The following CPN1 variants were observed in gnomAD, a reference collection of about 807,000 sequenced individuals.
The protein encoded by CPN1 is carboxypeptidase N subunit 1.
A neutral mutation model predicts 46.4 loss-of-function variants in CPN1; 37 were observed. That is an observed-to-expected ratio of 0.80 (90% CI 0.61 to 1.05). The LOEUF is 1.05. Ranked by LOEUF, CPN1 falls within the 50% of genes least tolerant of loss-of-function variation. CPN1 has a pLI of 0.00. For missense variants in CPN1, 563 were observed against 602.6 expected, an observed-to-expected ratio of 0.93 and a Z score of 0.69; for synonymous variants, 224 against 235.4, an observed-to-expected ratio of 0.95 and a Z score of 0.44.
intron 1 of CPN1, among the ~76,000 whole-genome samples, 153 bp from the exon 2 acceptor site, chr10:100,076,260 C>G (rs1395676544): frequency 6.6e-6 from 1 of 152,146 alleles, no homozygotes; most frequent in Non-Finnish European, 1.5e-5. Context: ...CCTTCCTAAC[C>G]AATTACAGTT....
At chr10:100,076,598 A>C (rs2041516681) in intron 1 of CPN1, among the ~76,000 whole-genome samples, 1 of 152,234 alleles carries the variant, frequency 6.6e-6, no homozygotes, top group South Asian at 2.1e-4. Context: ...GTTTTAGCGT[A>C]ACAGCCGCTA....
Position 100,081,405 on chromosome 10 carries a change from G to A in CPN1, c.221C>T (p.Pro74Leu), listed in dbSNP as rs370027071. The change falls in exon 1 of 9, where the codon CCC becomes CTC. Residue 74 changes from proline to leucine, a missense_variant and splice_region_variant. Coordinates refer to ENST00000370418, the MANE Select transcript of CPN1 (RefSeq NM_001308.3). ...CTCAAGAGCTGTTCAGAACTTACAGGGCTCGTGGATTCCAGGGTGGTCGCT... is the reference window on the plus strand; with the variant it reads ...CTCAAGAGCTGTTCAGAACTTACAGAGCTCGTGGATTCCAGGGTGGTCGCT... Reference protein sequence around the residue: ...EFSDHPGIHEPLEPEVKYVGN... With the variant: ...EFSDHPGIHELLEPEVKYVGN... The A allele has an allele frequency of 2.6e-5, 42 of 1,611,844 alleles. No homozygotes were observed. Among genetic ancestry groups the A allele is most frequent in the Non-Finnish European group, 3.3e-5 (39 of 1,179,614 alleles).
Position 100,042,586 on chromosome 10 carries a change from A to G in CPN1, c.1231-13T>C. On this transcript the variant is annotated splice_polypyrimidine_tract_variant and intron_variant, in intron 8 of 8. Transcript: ENST00000370418. The stretch of plus-strand genomic sequence containing the variant: ...GGTGGAAGTTAACCTGGAAGAAAAA[A>G]AGCAGGAGCTACGAGATCCGTTTGG... The G allele has an allele frequency of 6.2e-7, 1 of 1,613,874 alleles. No homozygotes were observed. The highest frequency in any genetic ancestry group is 8.5e-7 in the Non-Finnish European group (1 of 1,179,988).
chr10:100,043,155 G>A (rs145726343), intron 8 of CPN1, among the ~76,000 whole-genome samples: 13 of 150,444 alleles, frequency 8.6e-5, no homozygotes, highest in Admixed American at 7.3e-4. Context: ...TTGCACTTTA[G>A]GAGGCTGAGG....
chr10:100,075,627 T>C (rs2133448173), intron 2 of CPN1, among the ~76,000 whole-genome samples: 1 of 152,342 alleles, frequency 6.6e-6, no homozygotes, highest in African/African-American at 2.4e-5. Flanking sequence ...ATCACAGATA[T>C]TGCCACATTA....
intron 5 of CPN1, among the ~76,000 whole-genome samples, chr10:100,062,256 C>A (rs1189729459): frequency 6.6e-6 from 1 of 152,220 alleles, no homozygotes; most frequent in African/African-American, 2.4e-5. Context: ...GGCTCATAAA[C>A]GGAGGTTCTA....
At chr10:100,051,501 A>T (rs1231572656) in intron 7 of CPN1, among the ~76,000 whole-genome samples, 1 of 152,094 alleles carries the variant, frequency 6.6e-6, no homozygotes, top group Non-Finnish European at 1.5e-5. Flanking sequence ...AATGTTTACA[A>T]TGGGTTTTTT....
chr10:100,042,472 T>C lies in CPN1; in HGVS notation c.1332A>G (p.Arg444=). 1.9e-6 allele frequency: 3 copies of C among 1,613,946 alleles called. No individual in the cohort carries two copies. The highest frequency in any genetic ancestry group is 2.5e-6 in the Non-Finnish European group (3 of 1,180,020). ...GCTGCCTCATCTCCATTTCTTTCTT[T>C]CTGGCTTGGGGCTGCACTTTGGCTC... ...GVRAKVQPQA[R]KKEMEMRQLQ... Residue 444 remains arginine, a synonymous_variant, in exon 9 of 9, where the codon AGA becomes AGG. Coordinates refer to ENST00000370418, the MANE Select transcript of CPN1 (RefSeq NM_001308.3).
In CPN1 at chr10:100,042,350, T is replaced by C. The variant is rs2041279355; in HGVS notation, c.*77A>G. On this transcript the variant is annotated 3_prime_UTR_variant, in exon 9 of 9. Coordinates refer to ENST00000370418, the MANE Select transcript of CPN1 (RefSeq NM_001308.3). ...TTGTATTTAAATATGTCCCAGATAA[T>C]AAAATAGAAAGAATGCTTGATCTGA... The C allele has an allele frequency of 3.2e-6, 5 of 1,567,822 alleles. No individual in the cohort carries two copies. The Admixed American group carries it at 6.7e-5, about 21-fold the overall frequency.
chr10:100,074,495 A>C (rs997767398), intron 2 of CPN1, among the ~76,000 whole-genome samples: 1 of 152,108 alleles, frequency 6.6e-6, no homozygotes, highest in Non-Finnish European at 1.5e-5. Flanking sequence ...GGCTCACCAC[A>C]GCCTCCGCCT....
chr10:100,055,479 T>A (rs891360751), intron 6 of CPN1, among the ~76,000 whole-genome samples: 1 of 152,152 alleles, frequency 6.6e-6, no homozygotes, highest in African/African-American at 2.4e-5. Context: ...TAATTTCACT[T>A]GGCATAATGT....
At chr10:100,054,525 CTCTTA>C (rs749174253) in intron 6 of CPN1, 79 bp from the exon 7 acceptor site, 115 of 1,195,634 alleles carry the variant, frequency 9.6e-5, no homozygotes, top group Non-Finnish European at 1.3e-4. Flanking sequence ...AAAGCCCTTT[CTCTTA>C]TGTTTTTGTA....
intron 8 of CPN1, among the ~76,000 whole-genome samples, chr10:100,047,101 C>T (rs1428874480): frequency 1.3e-5 from 2 of 151,042 alleles, no homozygotes; most frequent in African/African-American, 2.4e-5. Context: ...CTGGACATGG[C>T]GGCATGTGCC....
chr10:100,081,844 T>TCA lies in CPN1; in HGVS notation c.-220_-219insTG. 1 of 563,972 alleles carries TCA rather than the reference T, an allele frequency of 1.8e-6. No homozygotes were observed. The highest frequency in any genetic ancestry group is 3.2e-6 in the Non-Finnish European group (1 of 312,060). 34.9% of individuals were successfully genotyped at this position (563,972 alleles called of 1,614,324 possible). A position where few individuals can be genotyped will look rare whatever the true frequency, so the allele number is the denominator to read the frequency against. ...TCCTCCCTCACTCCCTTTCTTTCTC[T>TCA]AATCCAGGAAAGCCTTTTGAAAGGT... On this transcript the variant is annotated 5_prime_UTR_variant, in exon 1 of 9. Coordinates refer to ENST00000370418, the MANE Select transcript of CPN1 (RefSeq NM_001308.3).
intron 8 of CPN1, among the ~76,000 whole-genome samples, chr10:100,045,895 A>G (rs926825749): frequency 3.3e-5 from 5 of 152,164 alleles, no homozygotes; most frequent in African/African-American, 1.2e-4. Flanking sequence ...TACAGGAGTG[A>G]GGCGGCCCTA....
At chr10:100,078,787 C>T (rs1481367384) in intron 1 of CPN1, among the ~76,000 whole-genome samples, 1 of 152,212 alleles carries the variant, frequency 6.6e-6, no homozygotes, top group Admixed American at 6.5e-5. Context: ...AAAAAACCCT[C>T]CAGTGGCTTC....
chr10:100,076,928 G>C (rs1452916159), intron 1 of CPN1, among the ~76,000 whole-genome samples: 1 of 152,152 alleles, frequency 6.6e-6, no homozygotes, highest in African/African-American at 2.4e-5. Context: ...GTCTTCTCTT[G>C]GGCCATGTTA....
intron 8 of CPN1, among the ~76,000 whole-genome samples, chr10:100,043,843 A>G (rs1248376156): frequency 6.6e-6 from 1 of 151,994 alleles, no homozygotes; most frequent in African/African-American, 2.4e-5. Context: ...ATGTGTGTTA[A>G]TGCATCCTTT....
At chr10:100,048,562 G>T (rs1462242065) in intron 8 of CPN1, among the ~76,000 whole-genome samples, 196 bp downstream of exon 8, 1 of 152,144 alleles carries the variant, frequency 6.6e-6, no homozygotes, top group Non-Finnish European at 1.5e-5. Context: ...GGGCATGGTG[G>T]TGTGTGCTTA....
Sources: gnomAD v4.1 joint callset for allele counts (sites outside exome capture counted in the v4.1 genomes callset) on GRCh38, gnomAD v4.1.1 for gene constraint, MANE v1.5 for transcripts, NCBI Gene and HGNC (gene_info 2026-07-23, HGNC 2026-07-21) for gene names.